Variants in RSRC1 observed in about 807,000 individuals in gnomAD.
RSRC1 encodes the protein serine/Arginine-related protein 53.
Under a neutral mutation model 49.1 loss-of-function variants are expected in RSRC1, and 39 were observed. The ratio of observed to expected loss-of-function variants is 0.79; its 90% CI spans 0.61 to 1.04. The LOEUF (loss-of-function observed/expected upper bound fraction) is 1.04, where lower values mean the gene tolerates loss of function less well. Among genes scored for constraint, RSRC1 ranks in the 50% least tolerant of loss-of-function variants. RSRC1 has a pLI of 0.00. For synonymous variants in RSRC1, 143 were observed against 130.8 expected, an observed-to-expected ratio of 1.09 and a Z score of -0.63; for missense variants, 388 against 402.4, an observed-to-expected ratio of 0.96 and a Z score of 0.31.
At chr3:158,480,137 A>G (rs1245015701) in intron 7 of RSRC1, among the ~76,000 whole-genome samples, 1 of 152,068 alleles carries the variant, frequency 6.6e-6, no homozygotes, top group Non-Finnish European at 1.5e-5. Flanking sequence ...TATTCCCCTT[A>G]AAAATTAAAG....
At chr3:158,516,877 C>G (rs1249718175) in intron 7 of RSRC1, among the ~76,000 whole-genome samples, 3 of 152,212 alleles carry the variant, frequency 2.0e-5, no homozygotes, top group Non-Finnish European at 4.4e-5. Context: ...CGTCTGTCAC[C>G]CCTTTCTTTG....
At chr3:158,367,664 G>A (rs1731846770) in intron 6 of RSRC1, among the ~76,000 whole-genome samples, 2 of 152,182 alleles carry the variant, frequency 1.3e-5, no homozygotes, top group Non-Finnish European at 2.9e-5. Flanking sequence ...CATAAAATGA[G>A]TTGGGGAGGA....
intron 6 of RSRC1, among the ~76,000 whole-genome samples, chr3:158,362,278 GTTC>G (rs1415056280): frequency 4.6e-5 from 7 of 152,132 alleles, no homozygotes; most frequent in African/African-American, 1.7e-4. Context: ...GAAGTCAAGG[GTTC>G]CGTGAGCTGT....
At chr3:158,316,438 A>ATTTTTTTTTTTTTTTTTTTTTT (rs564633575) in intron 5 of RSRC1, among the ~76,000 whole-genome samples, 7 of 72,240 alleles carry the variant, frequency 9.7e-5, no homozygotes, top group Admixed American at 1.9e-4. Flanking sequence ...AGAATCTCTC[A>ATTTTTTTTTTTTTTTTTTTTTT]TTTTTTTTTT....
At chr3:158,409,144 G>T (rs1401357977) in intron 6 of RSRC1, among the ~76,000 whole-genome samples, 25 of 152,200 alleles carry the variant, frequency 1.6e-4, no homozygotes, top group Non-Finnish European at 1.5e-5. Context: ...AAGGTGGAGG[G>T]TGAGAGGAGG....
chr3:158,133,919 G>A (rs1716194590), intron 3 of RSRC1, among the ~76,000 whole-genome samples: 1 of 152,168 alleles, frequency 6.6e-6, no homozygotes, highest in African/African-American at 2.4e-5. Flanking sequence ...AATGGTTTGG[G>A]TCGAGTTATG....
chr3:158,422,067 TTTTTTA>T (rs1193800197), intron 6 of RSRC1, among the ~76,000 whole-genome samples: 2 of 8,000 alleles, frequency 2.5e-4, no homozygotes, highest in African/African-American at 5.4e-4. Flanking sequence ...TCAGTTTTTC[TTTTTTA>T]TTATTATTAT....
chr3:158,223,827 G>A (rs1458730414), intron 4 of RSRC1, among the ~76,000 whole-genome samples: 1 of 151,596 alleles, frequency 6.6e-6, no homozygotes, highest in Non-Finnish European at 1.5e-5. Context: ...CTAGACCTTT[G>A]CAATTGTTGT....
intron 5 of RSRC1, among the ~76,000 whole-genome samples, chr3:158,325,321 A>G (rs956103671): frequency 5.9e-5 from 9 of 152,112 alleles, no homozygotes; most frequent in Non-Finnish European, 1.2e-4. Flanking sequence ...AGTCCTGAAT[A>G]GTATTGCCTA....
chr3:158,302,188 A>G (rs1408883488), intron 5 of RSRC1, among the ~76,000 whole-genome samples: 3 of 152,144 alleles, frequency 2.0e-5, no homozygotes, highest in Non-Finnish European at 2.9e-5. Flanking sequence ...ATGCTGGCAG[A>G]AGATATGAGA....
intron 4 of RSRC1, among the ~76,000 whole-genome samples, chr3:158,274,123 T>C (rs1278576381): frequency 6.6e-6 from 1 of 152,190 alleles, no homozygotes; most frequent in African/African-American, 2.4e-5. Flanking sequence ...TATTCTTTAA[T>C]AGATAAAGAG....
intron 5 of RSRC1, chr3:158,303,473 T>TGTAC (rs1474715966): frequency 1.3e-5 from 2 of 152,196 alleles, no homozygotes; most frequent in African/African-American, 4.8e-5. Context: ...CCATCTTTAA[T>TGTAC]GTACATATGA....
intron 3 of RSRC1, among the ~76,000 whole-genome samples, chr3:158,190,420 T>C (rs1282157639): frequency 6.6e-6 from 1 of 151,940 alleles, no homozygotes; most frequent in Non-Finnish European, 1.5e-5. Context: ...ACTTTTGTTT[T>C]CTTTCTTTTG....
chr3:158,356,426 G>C (rs1731163999), intron 6 of RSRC1, among the ~76,000 whole-genome samples: 1 of 152,090 alleles, frequency 6.6e-6, no homozygotes, highest in East Asian at 1.9e-4. Context: ...CTAGCTTCCT[G>C]AATTACTAAT....
At chr3:158,519,754 G>A (rs1375172041) in intron 7 of RSRC1, among the ~76,000 whole-genome samples, 2 of 152,132 alleles carry the variant, frequency 1.3e-5, no homozygotes, top group Admixed American at 1.3e-4. Flanking sequence ...TGGCATATGA[G>A]TCTAAAGTTT....
At chr3:158,338,986 T>C (rs1331665632) in intron 5 of RSRC1, among the ~76,000 whole-genome samples, 1 of 152,120 alleles carries the variant, frequency 6.6e-6, no homozygotes, top group Non-Finnish European at 1.5e-5. Context: ...TAATAGATAT[T>C]ATATTTTTTC....
chr3:158,514,806 T>C (rs1450039857), intron 7 of RSRC1, among the ~76,000 whole-genome samples: 1 of 152,218 alleles, frequency 6.6e-6, no homozygotes, highest in Non-Finnish European at 1.5e-5. Flanking sequence ...TGCTCCAGTA[T>C]TGGGTGCATA....
At chr3:158,530,902 A>T (rs1301593496) in intron 7 of RSRC1, among the ~76,000 whole-genome samples, 45 of 140,028 alleles carry the variant, frequency 3.2e-4, no homozygotes, top group Admixed American at 5.2e-4. Flanking sequence ...AATAAAAAAA[A>T]AAATAATAAA....
intron 6 of RSRC1, among the ~76,000 whole-genome samples, chr3:158,419,778 C>T (rs1165397414): frequency 6.8e-6 from 1 of 147,648 alleles, no homozygotes; most frequent in Non-Finnish European, 1.5e-5. Flanking sequence ...TCTAAAAACT[C>T]AGAGATATAC....
Sources: allele counts gnomAD v4.1 joint callset (sites outside exome capture counted in the v4.1 genomes callset), GRCh38; gene constraint gnomAD v4.1.1; transcripts MANE v1.5; gene names NCBI Gene and HGNC (gene_info 2026-07-23, HGNC 2026-07-21).